GYS1: variants seen among roughly 807,000 people sequenced by gnomAD.
The protein encoded by GYS1 is glycogen [starch] synthase, muscle.
A neutral mutation model predicts 89.1 loss-of-function variants in GYS1; 60 were observed. The ratio of observed to expected loss-of-function variants is 0.67; its 90% CI spans 0.55 to 0.84. GYS1 has a LOEUF of 0.84. GYS1 is among the 40% of genes least tolerant of loss of function. GYS1 has a pLI of 0.00. For missense variants in GYS1, 888 were observed against 1,003.1 expected, an observed-to-expected ratio of 0.89 and a Z score of 1.55; for synonymous variants, 366 against 401.7, an observed-to-expected ratio of 0.91 and a Z score of 1.06.
intron 5 of GYS1, among the ~76,000 whole-genome samples, chr19:48,984,794 T>A (rs989126953): frequency 6.6e-6 from 1 of 151,838 alleles, no homozygotes; most frequent in Non-Finnish European, 1.5e-5. Flanking sequence ...GGCAGGAGAA[T>A]GGCATGAACC....
At chr19:48,985,252 G>A (rs562580807) in intron 5 of GYS1, among the ~76,000 whole-genome samples, 17 of 152,288 alleles carry the variant, frequency 1.1e-4, no homozygotes, top group Non-Finnish European at 1.0e-4. Flanking sequence ...GCCCAGGCTG[G>A]TCTCAAATTC....
chr19:48,989,996 G>C (rs1401852127), intron 2 of GYS1, among the ~76,000 whole-genome samples: 3 of 93,304 alleles, frequency 3.2e-5, no homozygotes, highest in Admixed American at 1.1e-4. Flanking sequence ...CTGCCCTTTT[G>C]CTGGGGGGGG....
Position 48,991,567 on chromosome 19 carries a change from G to C in GYS1, c.119-84C>G. On this transcript the variant is annotated intron_variant, in intron 1 of 15. Coordinates refer to ENST00000323798, the MANE Select transcript of GYS1 (RefSeq NM_002103.5). The surrounding 1 kb of genome is among the most constrained non-coding windows in gnomAD (Gnocchi z 4.7). ...GGGTGGGGTGGGCCGGGGATGTAGG[G>C]GGCACTCAGGCCCCAGACCTCTAGC... 3 of 1,436,650 alleles carry C rather than the reference G, an allele frequency of 2.1e-6. No homozygotes were observed. Among genetic ancestry groups the C allele is most frequent in the Non-Finnish European group, 2.9e-6 (3 of 1,026,068 alleles). 89.0% of individuals were successfully genotyped at this position (1,436,650 alleles called of 1,614,324 possible). A position where few individuals can be genotyped will look rare whatever the true frequency, so the allele number is the denominator to read the frequency against.
At position 48,979,967 on chromosome 19, in the gene GYS1, CAG is replaced by C. The variant is rs368901636; in HGVS notation, c.1169+1561_1169+1562del. Among the ~76,000 whole-genome samples the C allele has an allele frequency of 5.2e-3, 787 of 152,048 alleles. 9 individuals are homozygous for C. Among genetic ancestry groups the C allele is most frequent in the African/African-American group, 0.018 (739 of 41,486 alleles). On this transcript the variant is annotated intron_variant, in intron 8 of 15. Transcript: ENST00000323798. Reference sequence around the variant, plus strand: ...CGACTTCTTTTTTATTTTTTTGAGACAGAGTCTCACTCTGTTGCCTAGGCTGG... The same window carrying C: ...CGACTTCTTTTTTATTTTTTTGAGACAGTCTCACTCTGTTGCCTAGGCTGG...
intron 7 of GYS1, 63 bp from the exon 8 acceptor site, chr19:48,981,699 CTTTCT>C: frequency 9.4e-7 from 1 of 1,065,946 alleles, no homozygotes; most frequent in East Asian, 2.4e-5. Context: ...ACCAGCCAGC[CTTTCT>C]GTCAAGACCA....
chr19:48,973,756 A>G (rs2038601556), intron 12 of GYS1, among the ~76,000 whole-genome samples: 1 of 152,096 alleles, frequency 6.6e-6, no homozygotes, highest in Non-Finnish European at 1.5e-5. Flanking sequence ...TGACCTCATG[A>G]TCTGCCCATC....
In GYS1 at chr19:48,993,296, G is replaced by A. The variant is rs769079005; in HGVS notation, c.-184C>T. 1.5e-6 allele frequency: 1 copy of A among 669,622 alleles called. No individual in the cohort carries two copies. Among genetic ancestry groups the A allele is most frequent in the Non-Finnish European group, 2.8e-6 (1 of 361,486 alleles). The allele number at this position is 669,622 out of a possible 1,614,324, so 41.5% of individuals were successfully genotyped here. ...AGCGTTGGGACCTAGGCAGAAGGAG[G>A]CCGCAGCGTCACTGAGCCCACTGGC... is the stretch of plus-strand genomic sequence containing the variant. On this transcript the variant is annotated 5_prime_UTR_variant, in exon 1 of 16. Transcript: ENST00000323798.
chr19:48,987,581 C>G (rs2038861868), intron 2 of GYS1, among the ~76,000 whole-genome samples, 196 bp from the exon 3 acceptor site: 1 of 152,184 alleles, frequency 6.6e-6, no homozygotes, highest in African/African-American at 2.4e-5. Flanking sequence ...TGATTTATTC[C>G]TGCTACACAT....
chr19:48,987,913 G>A (rs944911462), intron 2 of GYS1, among the ~76,000 whole-genome samples: 2 of 151,870 alleles, frequency 1.3e-5, no homozygotes, highest in East Asian at 1.9e-4. Context: ...CCATTCTCCT[G>A]CCTCAGCCTC....
At chr19:48,972,038 A>T (rs2038573066) in intron 12 of GYS1, among the ~76,000 whole-genome samples, 1 of 146,662 alleles carries the variant, frequency 6.8e-6, no homozygotes, top group Non-Finnish European at 1.5e-5. Context: ...ATTAAAAATA[A>T]AAAAAAAAAA....
intron 8 of GYS1, among the ~76,000 whole-genome samples, chr19:48,980,652 T>G (rs2038745090): frequency 9.6e-6 from 1 of 103,734 alleles, no homozygotes; most frequent in East Asian, 2.6e-4. Context: ...ACAGTGAGAC[T>G]CTGTTTCAAA....
chr19:48,972,312 C>A (rs2038578690), intron 12 of GYS1, among the ~76,000 whole-genome samples: 1 of 148,096 alleles, frequency 6.8e-6, no homozygotes, highest in Non-Finnish European at 1.5e-5. Flanking sequence ...TCCAGCCTGG[C>A]AATAGAGCAA....
chr19:48,993,175 A>G lies in GYS1; in HGVS notation c.-63T>C. The G allele has an allele frequency of 1.1e-6, 1 of 925,210 alleles. No individual in the cohort carries two copies. Among genetic ancestry groups the G allele is most frequent in the Non-Finnish European group, 1.8e-6 (1 of 554,166 alleles). 57.3% of individuals were successfully genotyped at this position (925,210 alleles called of 1,614,324 possible). On this transcript the variant is annotated 5_prime_UTR_variant, in exon 1 of 16. Transcript: ENST00000323798. ...TAGGGACCCCGGAGGTGTCTAGGGA[A>G]TGCACCAGGTAGGGTGCGGGGCCGA...
chr19:48,970,492 C>A, intron 14 of GYS1, 54 bp downstream of exon 14: 1 of 1,499,250 alleles, frequency 6.7e-7, no homozygotes, highest in Non-Finnish European at 9.3e-7. Flanking sequence ...ACCAAAGACC[C>A]CTAGCCAGGA....
intron 1 of GYS1, among the ~76,000 whole-genome samples, chr19:48,992,749 G>A (rs2038957915): frequency 6.6e-6 from 1 of 152,078 alleles, no homozygotes; most frequent in South Asian, 2.1e-4. Flanking sequence ...GGACCTAGGA[G>A]TCTCATTTTA....
intron 14 of GYS1, 54 bp from the exon 15 acceptor site, chr19:48,969,909 A>C (rs554368660): frequency 2.6e-4 from 330 of 1,269,442 alleles, no homozygotes; most frequent in Non-Finnish European, 3.2e-4. Context: ...CCCCACCCCC[A>C]GGCAGATGAT....
chr19:48,982,917 C>T lies in GYS1; in HGVS notation c.824-80G>A, dbSNP rs578231478. On this transcript the variant is annotated intron_variant, in intron 5 of 15. Transcript: ENST00000323798. The stretch of plus-strand genomic sequence containing the variant: ...TGGTTGAATGAATAAATGAAGAAAA[C>T]ACCCTTTGCCTTTTGCAATTTTTTT... 4.7e-6 allele frequency: 5 copies of T among 1,074,724 alleles called. No homozygotes were observed. In the Admixed American group the frequency reaches 6.9e-5, roughly 15 times the overall value. The allele number at this position is 1,074,724 out of a possible 1,614,324, so 66.6% of individuals were successfully genotyped here. A position where few individuals can be genotyped will look rare whatever the true frequency, so the allele number is the denominator to read the frequency against.
intron 12 of GYS1, among the ~76,000 whole-genome samples, chr19:48,971,607 T>C (rs900133812): frequency 2.0e-5 from 3 of 151,904 alleles, no homozygotes; most frequent in African/African-American, 7.3e-5. Flanking sequence ...CAAGCTGTAG[T>C]GCAGTGGCAC....
intron 10 of GYS1, 75 bp from the exon 11 acceptor site, chr19:48,974,808 ACCCT>A: frequency 9.6e-7 from 1 of 1,042,474 alleles, no homozygotes; most frequent in Non-Finnish European, 1.5e-6. Context: ...AGCCATGCGG[ACCCT>A]GGGGGAGCCA....
Sources: gnomAD v4.1 joint callset for allele counts (sites outside exome capture counted in the v4.1 genomes callset) on GRCh38, gnomAD v4.1.1 for gene constraint, Gnocchi (gnomAD v3.1) non-coding constraint, MANE v1.5 for transcripts, NCBI Gene and HGNC (gene_info 2026-07-23, HGNC 2026-07-21) for gene names.